Variants in ABCA10 observed in about 807,000 individuals in gnomAD.
ABCA10 encodes ATP-binding cassette sub-family A member 10.
ABCA10 carries 169 observed loss-of-function variants against 187.5 expected under a neutral mutation model. That is an observed-to-expected ratio of 0.90 (90% CI 0.80 to 1.02). The LOEUF (loss-of-function observed/expected upper bound fraction) is 1.02. Among genes scored for constraint, ABCA10 ranks in the 50% least tolerant of loss-of-function variants. The pLI is 0.00. For missense variants in ABCA10, 1,727 were observed against 1,812.4 expected (o/e 0.95, Z 0.86); for synonymous variants, 574 against 601.8 (o/e 0.95, Z 0.68).
At chr17:69,154,618 T>A (rs1435474321) in intron 30 of ABCA10, among the ~76,000 whole-genome samples, 1 of 151,878 alleles carries the variant, frequency 6.6e-6, no homozygotes, top group Non-Finnish European at 1.5e-5. Flanking sequence ...AGAGATGGAG[T>A]CTTGCTATGT....
At position 69,148,645 on chromosome 17, in the gene ABCA10, CT is replaced by C. The variant is rs1445729628; in HGVS notation, c.*181del. ...CTGATTTTGTTAATTTTGTCTACTA[CT>C]TTTCCCTATATTTCCTTGTTTCCTT... is the stretch of plus-strand genomic sequence containing the variant. On this transcript the variant is annotated 3_prime_UTR_variant, in exon 39 of 39. Transcript: ENST00000690296. 3.3e-5 allele frequency: 19 copies of C among 570,228 alleles called. No homozygotes were observed. The highest frequency in any genetic ancestry group is 5.1e-5 in the Non-Finnish European group (17 of 332,024). 35.3% of individuals were successfully genotyped at this position (570,228 alleles called of 1,614,324 possible).
chr17:69,241,677 T>C (rs957662460), intron 1 of ABCA10, among the ~76,000 whole-genome samples: 2 of 152,202 alleles, frequency 1.3e-5, no homozygotes, highest in Non-Finnish European at 2.9e-5. Context: ...GAGATCAGTG[T>C]GCTTTCATCT....
exon 1 of ABCA10, chr17:69,244,727 T>C (rs79372941): frequency 1.4e-3 from 211 of 151,536 alleles, no homozygotes; most frequent in African/African-American, 5.0e-3. Flanking sequence ...TTTAACAAAC[T>C]CAGGGCACAA....
At chr17:69,180,795 T>C (rs2074374321) in intron 22 of ABCA10, among the ~76,000 whole-genome samples, 1 of 152,206 alleles carries the variant, frequency 6.6e-6, no homozygotes, top group Non-Finnish European at 1.5e-5. Flanking sequence ...CATTATATGG[T>C]ATTAATTTCT....
At chr17:69,169,086 T>C (rs2074276265) in intron 25 of ABCA10, among the ~76,000 whole-genome samples, 1 of 152,242 alleles carries the variant, frequency 6.6e-6, no homozygotes, top group Admixed American at 6.5e-5. Context: ...TAGTTTATGC[T>C]CTTTTAAAAT....
chr17:69,182,539 A>T, intron 21 of ABCA10, 136 bp downstream of exon 21: 1 of 1,130,520 alleles, frequency 8.8e-7, no homozygotes, highest in East Asian at 2.8e-5. Context: ...TTATGTGACA[A>T]AGAAAGTTTC....
At position 69,219,781 on chromosome 17, in the gene ABCA10, G is replaced by A; in HGVS notation, c.304-10C>T. On this transcript the variant is annotated splice_polypyrimidine_tract_variant and intron_variant, in intron 5 of 38. Transcript: ENST00000690296. The stretch of plus-strand genomic sequence containing the variant: ...AATGATTTGTTGTGACCTAAATTGG[G>A]ACATTAGCAAATTTATTATGTGAAC... The A allele has an allele frequency of 1.3e-6, 2 of 1,511,964 alleles. No individual in the cohort carries two copies. Among genetic ancestry groups the A allele is most frequent in the Non-Finnish European group, 1.8e-6 (2 of 1,123,344 alleles). The allele number at this position is 1,511,964 out of a possible 1,614,324, so 93.7% of individuals were successfully genotyped here.
chr17:69,235,340 A>G (rs1401712769), intron 1 of ABCA10, among the ~76,000 whole-genome samples: 2 of 152,180 alleles, frequency 1.3e-5, no homozygotes. Context: ...TGTCCTATCT[A>G]AGAACCATTC....
At chr17:69,178,574 T>G (rs1331780222) in intron 22 of ABCA10, among the ~76,000 whole-genome samples, 3 of 152,170 alleles carry the variant, frequency 2.0e-5, no homozygotes, top group African/African-American at 7.2e-5. Flanking sequence ...TGACTTCTGC[T>G]GGCATATAAA....
At chr17:69,152,921 A>G (rs1264790995) in intron 34 of ABCA10, among the ~76,000 whole-genome samples, 1 of 152,174 alleles carries the variant, frequency 6.6e-6, no homozygotes, top group African/African-American at 2.4e-5. Context: ...TAGGCTTCAT[A>G]AAAAAGAAGA....
chr17:69,148,847 G>T lies in ABCA10; in HGVS notation c.4612C>A (p.Leu1538Ile). Residue 1538 changes from leucine to isoleucine, a missense_variant, in exon 39 of 39, where the codon CTC becomes ATC. Physicochemically the swap from Leu to Ile is conservative, Grantham distance 5. Coordinates refer to ENST00000690296, the MANE Select transcript of ABCA10 (RefSeq NM_001377321.1). The stretch of plus-strand genomic sequence containing the variant: ...TCATTTTAAGGGTCTTCCTGTGGGA[G>T]AAGTTTCCATTCAACTGTTGTATCA... ...KIDTTVEWKL[L>I]PQEDP The T allele has an allele frequency of 6.2e-7, 1 of 1,612,750 alleles. No homozygotes were observed. The highest frequency in any genetic ancestry group is 8.5e-7 in the Non-Finnish European group (1 of 1,179,774).
chr17:69,224,632 A>T (rs932716008), intron 3 of ABCA10, among the ~76,000 whole-genome samples: 3 of 151,756 alleles, frequency 2.0e-5, no homozygotes, highest in Non-Finnish European at 2.9e-5. Flanking sequence ...GCAGCATCCT[A>T]CATAACATAG....
chr17:69,232,198 TTA>T (rs200174520), upstream of ABCA10, among the ~76,000 whole-genome samples: 305 of 152,212 alleles, frequency 2.0e-3, 5 homozygotes, highest in East Asian at 0.046. Flanking sequence ...ATCAGCCACT[TTA>T]TGTCTTTTGA....
At chr17:69,229,203 A>C (rs184561073), upstream of ABCA10, among the ~76,000 whole-genome samples, 2 of 152,170 alleles carry the variant, frequency 1.3e-5, no homozygotes, top group Admixed American at 1.3e-4. Flanking sequence ...GCAAACCTAC[A>C]AAGTTGGTAC....
intron 19 of ABCA10, 115 bp from the exon 20 acceptor site, chr17:69,185,758 T>C (rs2074416621): frequency 2.7e-6 from 2 of 752,204 alleles, no homozygotes; most frequent in Non-Finnish European, 4.1e-6. Context: ...ATGTGGTGTT[T>C]AGTTAGATAA....
chr17:69,181,619 T>C (rs1383757035), intron 22 of ABCA10, among the ~76,000 whole-genome samples: 2 of 151,962 alleles, frequency 1.3e-5, no homozygotes, highest in Admixed American at 6.6e-5. Flanking sequence ...ACTAAGTAAA[T>C]AATTATATAT....
At chr17:69,188,696 C>T (rs4968852) in intron 18 of ABCA10, among the ~76,000 whole-genome samples, 45,258 of 151,458 alleles carry the variant, frequency 0.3, 8,452 homozygotes, top group Non-Finnish European at 0.42. Flanking sequence ...TCATCCTCCA[C>T]ACTTAAGTAG....
intron 24 of ABCA10, 24 bp from the exon 25 acceptor site, chr17:69,174,418 C>T: frequency 1.3e-6 from 2 of 1,545,088 alleles, no homozygotes; most frequent in Non-Finnish European, 1.8e-6. Flanking sequence ...GGATCAATGG[C>T]AAGATTAGAA....
At chr17:69,151,821 G>A (rs72852598) in intron 36 of ABCA10, among the ~76,000 whole-genome samples, 297 of 152,162 alleles carry the variant, frequency 2.0e-3, no homozygotes, top group Middle Eastern at 0.01. Flanking sequence ...ACACATATAT[G>A]AATGCACACA....
Sources: gnomAD v4.1 joint callset for allele counts (sites outside exome capture counted in the v4.1 genomes callset) on GRCh38, gnomAD v4.1.1 for gene constraint, MANE v1.5 for transcripts, NCBI Gene and HGNC (gene_info 2026-07-23, HGNC 2026-07-21) for gene names.